Variants in ABCA12 observed in about 807,000 individuals in gnomAD.
ABCA12 encodes the protein ATP binding cassette subfamily A member 12.
ABCA12 carries 156 observed loss-of-function variants against 293.5 expected under a neutral mutation model. The ratio of observed to expected loss-of-function variants is 0.53; its 90% confidence interval spans 0.47 to 0.61. ABCA12 has a LOEUF of 0.61. ABCA12 is among the 20% of genes least tolerant of loss of function. The probability of loss-of-function intolerance (pLI) is 0.00; values close to 1 mark genes in which losing one functional copy is unlikely to be tolerated. For synonymous variants in ABCA12, 1,063 were observed against 1,108.0 expected (o/e 0.96, Z 0.81); for missense variants, 2,797 against 3,090.2 (o/e 0.91, Z 2.25).
chr2:215,122,969 T>C (rs1176854925), intron 1 of ABCA12, among the ~76,000 whole-genome samples: 1 of 152,140 alleles, frequency 6.6e-6, no homozygotes, highest in Non-Finnish European at 1.5e-5. Flanking sequence ...CAGAGTATTT[T>C]TTCTGTCTTT....
At chr2:215,063,304 A>G (rs779934128) in intron 3 of ABCA12, among the ~76,000 whole-genome samples, 9 of 152,086 alleles carry the variant, frequency 5.9e-5, no homozygotes, top group Non-Finnish European at 1.0e-4. Flanking sequence ...CTAAATATCT[A>G]CGATTATAGA....
At chr2:215,094,643 C>T (rs1479611720) in intron 2 of ABCA12, among the ~76,000 whole-genome samples, 1 of 152,202 alleles carries the variant, frequency 6.6e-6, no homozygotes, top group Non-Finnish European at 1.5e-5. Context: ...TCCTTAGCTA[C>T]CTTCCCCTTG....
At chr2:215,018,263 T>G in intron 13 of ABCA12, 131 bp from the exon 14 acceptor site, 1 of 1,061,002 alleles carries the variant, frequency 9.4e-7, no homozygotes, top group East Asian at 2.6e-5. Flanking sequence ...TCTCCCAGTT[T>G]TGGCAAACGT....
intron 1 of ABCA12, among the ~76,000 whole-genome samples, chr2:215,113,980 G>A (rs529435232): frequency 6.6e-6 from 1 of 151,966 alleles, no homozygotes; most frequent in Non-Finnish European, 1.5e-5. Flanking sequence ...TCATAAACTT[G>A]CTTTTTTTTC....
chr2:215,107,628 G>T (rs1423925238), intron 2 of ABCA12, among the ~76,000 whole-genome samples: 2 of 152,172 alleles, frequency 1.3e-5, no homozygotes, highest in Non-Finnish European at 2.9e-5. Context: ...GATTGCAGCT[G>T]GTTCCCGCTC....
intron 9 of ABCA12, 126 bp from the exon 10 acceptor site, chr2:215,027,064 G>A (rs966632843): frequency 1.3e-5 from 9 of 712,602 alleles, no homozygotes; most frequent in Non-Finnish European, 2.2e-5. Context: ...TATGCAGTTG[G>A]CCGGGCGCGG....
chr2:215,017,104 G>A (rs965470202), intron 14 of ABCA12, among the ~76,000 whole-genome samples: 1 of 152,144 alleles, frequency 6.6e-6, no homozygotes, highest in Non-Finnish European at 1.5e-5. Flanking sequence ...TTTTTGTATG[G>A]GGGAACCAAT....
rs775127288 is a variant in ABCA12, at chr2:214,970,322, G to A, written c.5641C>T (p.Arg1881Ter). ...GTTGATATAAGATAATTTTCCACTC[G>A]TTGCCCAGTGAGGTTATAAATTACC... ...SQVIYNLTGQ[R>*]VENYLISTAN... The change falls in exon 37 of 53, where the codon CGA (arginine) becomes TGA (stop). Residue 1881 changes from arginine to a stop codon, truncating the protein, a stop_gained. Transcript: ENST00000272895. LOFTEE classifies it high-confidence loss of function. 7 of 1,613,010 alleles carry A rather than the reference G, an allele frequency of 4.3e-6. No homozygotes were observed. The highest frequency in any genetic ancestry group is 2.2e-5 in the South Asian group (2 of 90,998).
At chr2:214,949,554 C>T (rs780859365) in intron 45 of ABCA12, among the ~76,000 whole-genome samples, 11 of 152,194 alleles carry the variant, frequency 7.2e-5, no homozygotes, top group South Asian at 2.1e-4. Flanking sequence ...TAAACTATCG[C>T]GGCAATAGTT....
chr2:215,068,734 C>A (rs940128172), intron 2 of ABCA12, among the ~76,000 whole-genome samples: 2 of 152,116 alleles, frequency 1.3e-5, no homozygotes, highest in African/African-American at 4.8e-5. Flanking sequence ...TGCTGCCTTT[C>A]CTCCCTGCTC....
Position 214,934,165 on chromosome 2 carries a change from T to C in ABCA12, c.7593A>G (p.Gly2531=). The C allele has an allele frequency of 1.2e-6, 2 of 1,613,804 alleles. No individual in the cohort carries two copies. The highest frequency in any genetic ancestry group is 2.2e-5 in the South Asian group (2 of 91,076). The stretch of plus-strand genomic sequence containing the variant: ...CCAGCAGATCAAAAATGTTTGCGAC[T>C]CCTCCTGCTGTGACTGGTACATGAT... ...LEYHVPVTAG[G]VANIFDLLET... is the part of the protein sequence containing the mutation. The change falls in exon 52 of 53, where the codon GGA becomes GGG. Residue 2531 remains glycine (G), a synonymous_variant. Transcript: ENST00000272895.
intron 1 of ABCA12, among the ~76,000 whole-genome samples, chr2:215,132,426 G>A (rs1703079525): frequency 6.6e-6 from 1 of 151,508 alleles, no homozygotes. Context: ...CTTCCGTATT[G>A]GGTTAATATA....
intron 2 of ABCA12, among the ~76,000 whole-genome samples, chr2:215,092,352 C>T (rs920336288): frequency 3.9e-5 from 6 of 152,058 alleles, no homozygotes; most frequent in African/African-American, 7.3e-5. Context: ...CTTATTAGAT[C>T]GAGATGTTTT....
intron 44 of ABCA12, among the ~76,000 whole-genome samples, chr2:214,952,636 A>G (rs1191366495): frequency 5.9e-5 from 9 of 152,004 alleles, no homozygotes. Flanking sequence ...TCCAATCTGC[A>G]CTCCATCTAC....
At chr2:215,118,374 C>G (rs1702729830) in intron 1 of ABCA12, among the ~76,000 whole-genome samples, 1 of 151,974 alleles carries the variant, frequency 6.6e-6, no homozygotes. Flanking sequence ...TGCATGCCAG[C>G]CTGGGTGACA....
At chr2:214,985,654 C>G (rs1338434327) in intron 28 of ABCA12, among the ~76,000 whole-genome samples, 1 of 152,124 alleles carries the variant, frequency 6.6e-6, no homozygotes, top group African/African-American at 2.4e-5. Context: ...GCTGTATGCT[C>G]ACTCATTTCA....
rs369007981 is a variant in ABCA12 at position 214,986,880 on chromosome 2, CA to C, written c.3977-153del. On this transcript the variant is annotated intron_variant, in intron 27 of 52. Coordinates refer to ENST00000272895, the MANE Select transcript of ABCA12 (RefSeq NM_173076.3). Reference sequence around the variant, plus strand: ...GAAACAAATGATTTATTATAGTCTTCAGCCTCCTCACTTGGTTGCAGAATGA... The same window carrying C: ...GAAACAAATGATTTATTATAGTCTTCGCCTCCTCACTTGGTTGCAGAATGA... 8.0e-6 allele frequency: 6 copies of C among 753,654 alleles called. No individual in the cohort carries two copies. In the East Asian group the frequency reaches 1.6e-4, roughly 20 times the overall value. 46.7% of individuals were successfully genotyped at this position (753,654 alleles called of 1,614,324 possible).
chr2:214,940,388 A>G (rs1477002941), intron 50 of ABCA12, among the ~76,000 whole-genome samples: 5 of 152,160 alleles, frequency 3.3e-5, no homozygotes, highest in African/African-American at 9.6e-5. Flanking sequence ...GAGGATTTTC[A>G]CATTGATGTT....
At chr2:215,004,407 T>C in intron 19 of ABCA12, 108 bp from the exon 20 acceptor site, 4 of 768,462 alleles carry the variant, frequency 5.2e-6, no homozygotes, top group Non-Finnish European at 8.9e-6. Flanking sequence ...CTGGGCATTA[T>C]CAATGCACTG....
Sources: allele counts gnomAD v4.1 joint callset (sites outside exome capture counted in the v4.1 genomes callset), GRCh38; gene constraint gnomAD v4.1.1; transcripts MANE v1.5; gene names NCBI Gene and HGNC (gene_info 2026-07-23, HGNC 2026-07-21).